Variants in PCDHGA8 observed in about 807,000 individuals in gnomAD.
PCDHGA8 encodes protocadherin gamma subfamily A, 8.
PCDHGA8 carries 45 observed loss-of-function variants against 59.2 expected under a neutral mutation model. That is an observed-to-expected ratio of 0.76 (90% CI 0.60 to 0.98). The LOEUF (loss-of-function observed/expected upper bound fraction) is 0.98, where lower values mean the gene tolerates loss of function less well. PCDHGA8 is among the 50% of genes least tolerant of loss of function. PCDHGA8 has a pLI of 0.00. For synonymous variants in PCDHGA8, 531 were observed against 519.0 expected (o/e 1.02, Z -0.32); for missense variants, 1,257 against 1,196.2 (o/e 1.05, Z -0.75).
intron 1 of PCDHGA8, chr5:141,415,888 T>C: frequency 1.1e-6 from 1 of 940,220 alleles, no homozygotes; most frequent in South Asian, 2.9e-5. Flanking sequence ...ATATTGACAA[T>C]TCCTAAGACA....
chr5:141,482,758 T>TGC (rs1413945459), intron 1 of PCDHGA8, among the ~76,000 whole-genome samples: 74 of 141,724 alleles, frequency 5.2e-4, no homozygotes, highest in African/African-American at 9.9e-4. Flanking sequence ...ATTATGGTAT[T>TGC]TCATTATCAC....
intron 1 of PCDHGA8, chr5:141,412,918 G>T: frequency 2.4e-6 from 1 of 414,220 alleles, no homozygotes; most frequent in Non-Finnish European, 4.2e-6. Flanking sequence ...TATCACTTGG[G>T]TGCAGTAACT....
In PCDHGA8 at chr5:141,394,275, A is replaced by T; in HGVS notation, c.1462A>T (p.Thr488Ser). The T allele has an allele frequency of 6.2e-7, 1 of 1,613,910 alleles. No homozygotes were observed. Among genetic ancestry groups the T allele is most frequent in the Non-Finnish European group, 8.5e-7 (1 of 1,179,874 alleles). The change falls in exon 1 of 4, where the codon ACT becomes TCT. Residue 488 changes from threonine to serine, a missense_variant. By Grantham distance (58) the Thr-to-Ser change is moderately conservative (BLOSUM62 1). Transcript: ENST00000398604. ...DPDSQENAQV[T>S]YSVTEDTLQG... Reference sequence around the variant, plus strand: ...CGACAGCCAGGAGAATGCCCAGGTCACTTACTCTGTGACCGAGGACACGCT... The same window carrying T: ...CGACAGCCAGGAGAATGCCCAGGTCTCTTACTCTGTGACCGAGGACACGCT...
chr5:141,421,901 G>A lies in PCDHGA8; in HGVS notation c.2424+26664G>A. ...GATGGAGGCGATCCCATCCGAAAGG[G>A]CGCAGTTCCCATTCGTGTGGTGGTC... is the stretch of plus-strand genomic sequence containing the variant. On this transcript the variant is annotated intron_variant, in intron 1 of 3. Coordinates refer to ENST00000398604, the MANE Select transcript of PCDHGA8 (RefSeq NM_032088.2). 1.9e-6 allele frequency: 3 copies of A among 1,613,724 alleles called. No individual in the cohort carries two copies. Among genetic ancestry groups the A allele is most frequent in the East Asian group, 2.2e-5 (1 of 44,880 alleles).
intron 1 of PCDHGA8, among the ~76,000 whole-genome samples, chr5:141,429,660 ATATAT>A (rs1388009014): frequency 1.3e-5 from 2 of 152,336 alleles, no homozygotes; most frequent in African/African-American, 4.8e-5. Flanking sequence ...CCAATTTAAA[ATATAT>A]TATTTTATTT....
intron 1 of PCDHGA8, among the ~76,000 whole-genome samples, chr5:141,435,445 C>T (rs190910353): frequency 3.9e-5 from 6 of 152,224 alleles, no homozygotes; most frequent in Middle Eastern, 3.4e-3. Flanking sequence ...TTCATTAATA[C>T]GATATCTGTA....
Position 141,490,916 on chromosome 5 carries a change from A to C in PCDHGA8, c.2425-3891A>C. 1 of 1,613,724 alleles carries C rather than the reference A, an allele frequency of 6.2e-7. No homozygotes were observed. Among genetic ancestry groups the C allele is most frequent in the Non-Finnish European group, 8.5e-7 (1 of 1,179,736 alleles). ...CATGTGTTTGTCCTAGACGAGAATG[A>C]TAATGCCCCAGCTGTGCTGCACCCA... is the stretch of plus-strand genomic sequence containing the variant. On this transcript the variant is annotated intron_variant, in intron 1 of 3. Transcript: ENST00000398604. This position sits in a 1 kb window ranked among gnomAD's most constrained non-coding sequence, Gnocchi z 5.4.
intron 1 of PCDHGA8, among the ~76,000 whole-genome samples, chr5:141,457,480 G>T (rs566798464): frequency 6.6e-6 from 1 of 152,148 alleles, no homozygotes; most frequent in African/African-American, 2.4e-5. Context: ...GCAGGGCCAG[G>T]GTTAGTCTAA....
At chr5:141,416,859 G>C (rs1411419006) in intron 1 of PCDHGA8, 1 of 151,936 alleles carries the variant, frequency 6.6e-6, no homozygotes, top group African/African-American at 2.4e-5. Context: ...ATTTTTTTCA[G>C]GTCAGTCAAC....
intron 1 of PCDHGA8, chr5:141,428,018 C>T (rs771831423): frequency 1.9e-6 from 3 of 1,604,570 alleles, no homozygotes; most frequent in Non-Finnish European, 2.6e-6. Flanking sequence ...TAGTGCCACG[C>T]GCCGCAGAGT....
At position 141,487,116 on chromosome 5, in the gene PCDHGA8, A is replaced by G. The variant is rs749256818; in HGVS notation, c.2425-7691A>G. On this transcript the variant is annotated intron_variant, in intron 1 of 3. Transcript: ENST00000398604. This position sits in a 1 kb window ranked among gnomAD's most constrained non-coding sequence, Gnocchi z 5.0. ...CCACAGAAGCTGGTCATTGTGGTAA[A>G]GGATAGTGGTAGTCCACCACTCTCT... The G allele has an allele frequency of 3.1e-6, 5 of 1,614,022 alleles. No individual in the cohort carries two copies.
intron 1 of PCDHGA8, among the ~76,000 whole-genome samples, chr5:141,405,943 CATA>C (rs1017424287): frequency 6.6e-6 from 1 of 152,106 alleles, no homozygotes; most frequent in Non-Finnish European, 1.5e-5. Flanking sequence ...TTCATGTTCT[CATA>C]ATAATTAACC....
At chr5:141,420,412 T>G in intron 1 of PCDHGA8, 1 of 1,225,004 alleles carries the variant, frequency 8.2e-7, no homozygotes, top group African/African-American at 1.6e-5. Flanking sequence ...TGGTTATCAT[T>G]ATTAAAACAA....
chr5:141,399,753 G>T (rs1418820057), intron 1 of PCDHGA8: 8 of 1,613,370 alleles, frequency 5.0e-6, no homozygotes, highest in Non-Finnish European at 6.8e-6. Context: ...GCGCAAACGT[G>T]AGCCTGCGCG....
intron 1 of PCDHGA8, chr5:141,442,400 C>G (rs1478739190): frequency 6.6e-6 from 1 of 152,224 alleles, no homozygotes; most frequent in Admixed American, 6.5e-5. Context: ...TCCTACGAAT[C>G]CAGGGCTGAG....
chr5:141,418,313 A>G (rs750036471), intron 1 of PCDHGA8: 2 of 1,614,038 alleles, frequency 1.2e-6, no homozygotes, highest in Middle Eastern at 1.6e-4. Context: ...GGGGATGGGA[A>G]CAATTCTTGA....
At chr5:141,395,550 G>T (rs1402921293) in intron 1 of PCDHGA8, 4 of 47,806 alleles carry the variant, frequency 8.4e-5, no homozygotes, top group South Asian at 8.8e-4. Flanking sequence ...GTTTGTGTGT[G>T]TGTGTGTGTG....
intron 1 of PCDHGA8, among the ~76,000 whole-genome samples, chr5:141,439,459 A>ACTG (rs1234039449): frequency 6.6e-6 from 1 of 152,222 alleles, no homozygotes; most frequent in Non-Finnish European, 1.5e-5. Flanking sequence ...GCAAGACTGC[A>ACTG]CTGCTGCCTT....
At position 141,485,326 on chromosome 5, in the gene PCDHGA8, T is replaced by C. The variant is rs2154580391; in HGVS notation, c.2425-9481T>C. On this transcript the variant is annotated intron_variant, in intron 1 of 3. Coordinates refer to ENST00000398604, the MANE Select transcript of PCDHGA8 (RefSeq NM_032088.2). This position sits in a 1 kb window ranked among gnomAD's most constrained non-coding sequence, Gnocchi z 5.7. ...CTTTTGTAGGGAATGTCGCTCAAGATTTCCTGCTGGATACGGACAGTCTGT... is the reference window on the plus strand; with the variant it reads ...CTTTTGTAGGGAATGTCGCTCAAGACTTCCTGCTGGATACGGACAGTCTGT... 1 of 1,614,106 alleles carries C rather than the reference T, an allele frequency of 6.2e-7. No homozygotes were observed. The highest frequency in any genetic ancestry group is 1.7e-5 in the Admixed American group (1 of 60,028).
Sources: gnomAD v4.1 joint callset for allele counts (sites outside exome capture counted in the v4.1 genomes callset) on GRCh38, gnomAD v4.1.1 for gene constraint, Gnocchi (gnomAD v3.1) non-coding constraint, MANE v1.5 for transcripts, NCBI Gene and HGNC (gene_info 2026-07-23, HGNC 2026-07-21) for gene names.